Variants in NCKAP5 observed in about 807,000 individuals in gnomAD.
NCKAP5 encodes NCK associated protein 5.
In NCKAP5, 92 loss-of-function variants were observed where a neutral mutation model predicts 167.0. The ratio of observed to expected loss-of-function variants is 0.55; its 90% CI spans 0.47 to 0.66. The LOEUF is 0.66. Ranked by LOEUF, NCKAP5 falls within the 30% of genes least tolerant of loss-of-function variation. The pLI is 0.00. For missense variants in NCKAP5, 2,378 were observed against 2,315.0 expected, an observed-to-expected ratio of 1.03 and a Z score of -0.56; for synonymous variants, 891 against 877.4, an observed-to-expected ratio of 1.02 and a Z score of -0.27.
intron 4 of NCKAP5, among the ~76,000 whole-genome samples, chr2:133,245,703 T>C (rs796642515): frequency 1.3e-4 from 19 of 151,804 alleles, no homozygotes; most frequent in South Asian, 6.2e-4. Flanking sequence ...CCAGAAAACA[T>C]AGAGGAAAAA....
intron 6 of NCKAP5, among the ~76,000 whole-genome samples, chr2:133,125,863 T>G (rs963949116): frequency 6.6e-6 from 1 of 152,178 alleles, no homozygotes; most frequent in Non-Finnish European, 1.5e-5. Flanking sequence ...TTTTTTTTAT[T>G]GCCTAAATTT....
the NCKAP5 span, among the ~76,000 whole-genome samples, chr2:133,601,428 A>T: frequency 6.6e-6 from 1 of 152,150 alleles, no homozygotes; most frequent in South Asian, 2.1e-4. Flanking sequence ...TGGTAACCCA[A>T]TTTTTTAAAA....
intron 3 of NCKAP5, among the ~76,000 whole-genome samples, chr2:133,355,118 C>T (rs557159324): frequency 2.7e-4 from 41 of 152,232 alleles, no homozygotes; most frequent in African/African-American, 8.9e-4. Flanking sequence ...CAAATGAAAT[C>T]GTAATCTTTT....
At chr2:133,633,286 T>C in the NCKAP5 span, among the ~76,000 whole-genome samples, 188 of 152,314 alleles carry the variant, frequency 1.2e-3, 1 homozygote, top group African/African-American at 4.4e-3. Flanking sequence ...CCTTTGTCAA[T>C]CAACTATGGT....
chr2:133,177,841 A>G (rs1486676503), intron 5 of NCKAP5, among the ~76,000 whole-genome samples: 1 of 152,160 alleles, frequency 6.6e-6, no homozygotes, highest in Non-Finnish European at 1.5e-5. Context: ...ACCCAGCAGT[A>G]ATGAAGCATC....
intron 16 of NCKAP5, among the ~76,000 whole-genome samples, chr2:132,771,677 T>A (rs1276926417): frequency 7.2e-6 from 1 of 139,264 alleles, no homozygotes; most frequent in Non-Finnish European, 1.6e-5. Flanking sequence ...TGATGCTAAT[T>A]GTTTTTTTTT....
chr2:132,836,319 C>A (rs1312462982), intron 11 of NCKAP5, among the ~76,000 whole-genome samples: 1 of 152,142 alleles, frequency 6.6e-6, no homozygotes, highest in Non-Finnish European at 1.5e-5. Flanking sequence ...CTCATAGCAA[C>A]TACAGCATTA....
chr2:133,294,862 T>A (rs1429386420), intron 4 of NCKAP5, among the ~76,000 whole-genome samples: 1 of 152,204 alleles, frequency 6.6e-6, no homozygotes, highest in African/African-American at 2.4e-5. Context: ...AATTATCTTT[T>A]TTTTGCTAGA....
chr2:132,813,896 C>T (rs1686072819), intron 11 of NCKAP5, among the ~76,000 whole-genome samples: 1 of 152,288 alleles, frequency 6.6e-6, no homozygotes, highest in African/African-American at 2.4e-5. Flanking sequence ...GGGACCTTCA[C>T]AGCCTGCAAT....
At chr2:133,356,828 C>T (rs1000046477) in intron 3 of NCKAP5, among the ~76,000 whole-genome samples, 9 of 152,180 alleles carry the variant, frequency 5.9e-5, no homozygotes, top group African/African-American at 1.9e-4. Context: ...GATATTATAA[C>T]ATCAATACTT....
At chr2:133,111,922 G>C (rs561922586) in intron 6 of NCKAP5, among the ~76,000 whole-genome samples, 1 of 152,192 alleles carries the variant, frequency 6.6e-6, no homozygotes, top group South Asian at 2.1e-4. Context: ...ATGAGTAATA[G>C]AATCTCCCCC....
At chr2:133,364,331 T>G (rs1473225477) in intron 3 of NCKAP5, among the ~76,000 whole-genome samples, 1 of 152,214 alleles carries the variant, frequency 6.6e-6, no homozygotes, top group African/African-American at 2.4e-5. Context: ...GACTCTGAAG[T>G]GCTCTGACCT....
chr2:132,746,208 A>G (rs765022836), intron 16 of NCKAP5, among the ~76,000 whole-genome samples: 4 of 152,116 alleles, frequency 2.6e-5, no homozygotes, highest in Non-Finnish European at 5.9e-5. Context: ...GGATTTGCAC[A>G]TAGGTCAGTG....
intron 6 of NCKAP5, chr2:133,122,708 G>C (rs947216671): frequency 6.6e-6 from 1 of 151,978 alleles, no homozygotes; most frequent in Non-Finnish European, 1.5e-5. Flanking sequence ...AAATAGACAT[G>C]GCCAAAACCC....
intron 6 of NCKAP5, 45 bp downstream of exon 6, chr2:133,129,933 G>C: frequency 6.5e-7 from 1 of 1,536,322 alleles, no homozygotes; most frequent in South Asian, 1.3e-5. Flanking sequence ...CTGGTGCAGA[G>C]AGAGATGCAC....
rs1247544507 is a variant in NCKAP5 at position 133,176,406 on chromosome 2, CT to C, written c.207+37309del. Among the ~76,000 whole-genome samples, 606 of 148,388 alleles carry C rather than the reference CT, an allele frequency of 4.1e-3. 4 individuals are homozygous for C. Among genetic ancestry groups the C allele is most frequent in the African/African-American group, 0.014 (561 of 40,668 alleles). On this transcript the variant is annotated intron_variant, in intron 5 of 19. Coordinates refer to ENST00000409261, the MANE Select transcript of NCKAP5 (RefSeq NM_207363.3). The stretch of plus-strand genomic sequence containing the variant: ...GAATAGAAAGTAACAGATGGAACCA[CT>C]TTTTTTTTTAATGTGCTGAACATTA...
chr2:133,464,554 G>T (rs1263131418), intron 3 of NCKAP5, among the ~76,000 whole-genome samples: 1 of 152,146 alleles, frequency 6.6e-6, no homozygotes, highest in African/African-American at 2.4e-5. Flanking sequence ...GCCGGGTGTG[G>T]TGGCCGGTGC....
chr2:132,878,238 C>G (rs1691441956), intron 9 of NCKAP5, among the ~76,000 whole-genome samples: 3 of 152,184 alleles, frequency 2.0e-5, no homozygotes, highest in Admixed American at 2.0e-4. Flanking sequence ...GCCATCATCT[C>G]TTCATTATCA....
intron 8 of NCKAP5, chr2:132,926,056 G>T: frequency 5.0e-6 from 1 of 199,492 alleles, no homozygotes; most frequent in Admixed American, 5.1e-5. Flanking sequence ...ACCATTTTGG[G>T]TCTTCAATGA....
Sources: gnomAD v4.1 joint callset for allele counts (sites outside exome capture counted in the v4.1 genomes callset) on GRCh38, gnomAD v4.1.1 for gene constraint, MANE v1.5 for transcripts, NCBI Gene and HGNC (gene_info 2026-07-23, HGNC 2026-07-21) for gene names.